Variants in SENP6 observed in about 807,000 individuals in gnomAD.
The protein encoded by SENP6 is sentrin-specific protease 6.
A neutral mutation model predicts 134.5 loss-of-function variants in SENP6; 41 were observed. That is an observed-to-expected ratio of 0.30 (90% CI 0.24 to 0.40). The LOEUF (loss-of-function observed/expected upper bound fraction) is 0.40. SENP6 is among the 10% of genes least tolerant of loss of function. The pLI is 1.00. For synonymous variants in SENP6, 395 were observed against 429.8 expected, an observed-to-expected ratio of 0.92 and a Z score of 1.00; for missense variants, 1,248 against 1,312.5, an observed-to-expected ratio of 0.95 and a Z score of 0.76.
rs150585195 is a variant in SENP6 at position 75,645,796 on chromosome 6, A to G, written c.480-1935A>G. On this transcript the variant is annotated intron_variant, in intron 6 of 23. Transcript: ENST00000447266. ...GTTTCTTTATTATAATTTTTAAAAA[A>G]CAGAACTTTAATTTGCCCTGCTTTT... 5.9e-5 allele frequency among the ~76,000 whole-genome samples: 9 copies of G among 152,350 alleles called. No individual in the cohort carries two copies. In the East Asian group the frequency reaches 1.3e-3, roughly 23 times the overall value.
intron 1 of SENP6, among the ~76,000 whole-genome samples, chr6:75,617,371 T>G (rs1273003755): frequency 6.8e-6 from 1 of 147,456 alleles, no homozygotes; most frequent in African/African-American, 2.5e-5. Context: ...TCTCCTGGGT[T>G]CAAGTGATTC....
At chr6:75,687,199 G>C (rs1321502364) in intron 16 of SENP6, among the ~76,000 whole-genome samples, 1 of 152,132 alleles carries the variant, frequency 6.6e-6, no homozygotes, top group African/African-American at 2.4e-5. Flanking sequence ...GGCTATTGAA[G>C]CTTGTGCATG....
chr6:75,683,774 G>T (rs1773629356), intron 16 of SENP6, among the ~76,000 whole-genome samples: 1 of 152,162 alleles, frequency 6.6e-6, no homozygotes, highest in African/African-American at 2.4e-5. Context: ...TTTGGTACCA[G>T]TACCATGCTG....
intron 10 of SENP6, among the ~76,000 whole-genome samples, chr6:75,669,291 G>A (rs1188466875): frequency 6.6e-6 from 1 of 152,174 alleles, no homozygotes; most frequent in Non-Finnish European, 1.5e-5. Flanking sequence ...GGGAGGTGGA[G>A]GTTGCGGTGA....
At chr6:75,668,019 T>C (rs1445222692) in intron 10 of SENP6, among the ~76,000 whole-genome samples, 3 of 152,216 alleles carry the variant, frequency 2.0e-5, no homozygotes, top group African/African-American at 7.2e-5. Context: ...TACATGTCAG[T>C]GTTCATAGGA....
chr6:75,705,799 G>T (rs1349219064), intron 19 of SENP6, among the ~76,000 whole-genome samples: 2 of 150,900 alleles, frequency 1.3e-5, no homozygotes, highest in Non-Finnish European at 2.9e-5. Context: ...AAAAATATTG[G>T]TATAGGACAT....
intron 18 of SENP6, 74 bp from the exon 19 acceptor site, chr6:75,702,571 T>C: frequency 1.5e-6 from 2 of 1,315,798 alleles, no homozygotes; most frequent in Non-Finnish European, 2.0e-6. Flanking sequence ...AAAAAACATT[T>C]TAATTGATAT....
intron 8 of SENP6, among the ~76,000 whole-genome samples, chr6:75,661,319 C>T (rs1771757538): frequency 6.6e-6 from 1 of 152,180 alleles, no homozygotes; most frequent in Admixed American, 6.5e-5. Flanking sequence ...CCTGCCATGC[C>T]AACCTAAGTT....
intron 18 of SENP6, among the ~76,000 whole-genome samples, chr6:75,698,256 GTC>G (rs1421732227): frequency 4.6e-5 from 7 of 152,178 alleles, no homozygotes; most frequent in Non-Finnish European, 1.0e-4. Flanking sequence ...ATGGGGGAGG[GTC>G]TAAAGTAGTG....
intron 3 of SENP6, among the ~76,000 whole-genome samples, chr6:75,625,697 C>T (rs369793549): frequency 6.6e-6 from 1 of 152,000 alleles, no homozygotes; most frequent in African/African-American, 2.4e-5. Flanking sequence ...GTTGAAACCT[C>T]GTCTCTACTA....
chr6:75,661,230 C>T (rs114636240), intron 8 of SENP6, among the ~76,000 whole-genome samples: 404 of 152,330 alleles, frequency 2.7e-3, no homozygotes, highest in African/African-American at 9.1e-3. Flanking sequence ...TAACTCCCTT[C>T]TCCAGAGGTA....
At chr6:75,681,402 T>A (rs776105764) in intron 16 of SENP6, among the ~76,000 whole-genome samples, 4 of 152,166 alleles carry the variant, frequency 2.6e-5, no homozygotes, top group Admixed American at 1.3e-4. Context: ...CTGTATAGCC[T>A]GTGGATCTGT....
chr6:75,675,712 T>G (rs1308565800), intron 12 of SENP6, 148 bp from the exon 13 acceptor site: 1 of 888,178 alleles, frequency 1.1e-6, no homozygotes, highest in Non-Finnish European at 1.7e-6. Flanking sequence ...TTATAAAGAT[T>G]TTTTTTATTA....
At chr6:75,685,421 G>A (rs1302750796) in intron 16 of SENP6, among the ~76,000 whole-genome samples, 1 of 151,920 alleles carries the variant, frequency 6.6e-6, no homozygotes, top group African/African-American at 2.4e-5. Context: ...CTTGCCTTCT[G>A]CTAGCTTTTG....
At chr6:75,642,825 A>G (rs1000513554) in intron 6 of SENP6, among the ~76,000 whole-genome samples, 7 of 152,212 alleles carry the variant, frequency 4.6e-5, no homozygotes, top group African/African-American at 1.7e-4. Context: ...TCCTCTCTAA[A>G]TGGAGGTGTG....
intron 5 of SENP6, among the ~76,000 whole-genome samples, chr6:75,639,435 AT>A (rs1348179849): frequency 2.0e-5 from 3 of 151,704 alleles, no homozygotes; most frequent in Admixed American, 6.6e-5. Flanking sequence ...AAGTTACTAT[AT>A]TTTTTTTCTT....
intron 18 of SENP6, among the ~76,000 whole-genome samples, chr6:75,699,435 G>A (rs1172825430): frequency 1.6e-5 from 2 of 127,728 alleles, no homozygotes; most frequent in African/African-American, 6.0e-5. Flanking sequence ...CCATATATTT[G>A]TCATCTGTTT....
chr6:75,663,444 T>C lies in SENP6; in HGVS notation c.920T>C (p.Leu307Ser), dbSNP rs373240602. ...TTACAGACTAATGGAAAAGTCATTT[T>C]ACCTGGGGCAAAAATACCCAAAATC... ...TYLQTNGKVI[L>S]PGAKIPKITN... is the part of the protein sequence containing the mutation. Residue 307 changes from leucine to serine, a missense_variant, in exon 9 of 24, where the codon TTA (leucine) becomes TCA (serine). By Grantham distance (145) the Leu-to-Ser change is moderately radical (BLOSUM62 -2). Around this residue, in one of 3 missense-constraint regions of SENP6, gnomAD observed 733 missense variants for 725.4 expected, o/e 1.01. Coordinates refer to ENST00000447266, the MANE Select transcript of SENP6 (RefSeq NM_015571.4). The C allele has an allele frequency of 4.3e-6, 7 of 1,613,274 alleles. No homozygotes were observed. The African/African-American group carries it at 9.3e-5, about 22-fold the overall frequency.
At chr6:75,631,233 T>C (rs1769093341) in intron 3 of SENP6, among the ~76,000 whole-genome samples, 1 of 152,210 alleles carries the variant, frequency 6.6e-6, no homozygotes, top group Non-Finnish European at 1.5e-5. Flanking sequence ...TCTTCGGTGC[T>C]AAACTTCCTG....
Sources: allele counts gnomAD v4.1 joint callset (sites outside exome capture counted in the v4.1 genomes callset), GRCh38; gene constraint gnomAD v4.1.1; regional missense constraint gnomAD v4.1.1; transcripts MANE v1.5; gene names NCBI Gene and HGNC (gene_info 2026-07-23, HGNC 2026-07-21).